MBD5: variants seen among roughly 807,000 people sequenced by gnomAD.
MBD5 encodes the protein methyl-CpG-binding domain protein 5.
Under a neutral mutation model 117.3 loss-of-function variants are expected in MBD5, and 13 were observed. The observed-to-expected ratio is 0.11, with a 90% CI of 0.07 to 0.18. The LOEUF (loss-of-function observed/expected upper bound fraction) is 0.18, where lower values mean the gene tolerates loss of function less well. Ranked by LOEUF, MBD5 falls within the 10% of genes least tolerant of loss-of-function variation. The pLI is 1.00. For synonymous variants in MBD5, 727 were observed against 766.4 expected, an observed-to-expected ratio of 0.95 and a Z score of 0.85; for missense variants, 1,879 against 2,093.8, an observed-to-expected ratio of 0.90 and a Z score of 2.00.
chr2:148,363,822 C>A (rs1312540603), intron 4 of MBD5, among the ~76,000 whole-genome samples: 3 of 152,044 alleles, frequency 2.0e-5, no homozygotes, highest in Non-Finnish European at 4.4e-5. Context: ...AACAAACAAA[C>A]CCTCCAAGAA....
At chr2:148,378,651 C>G (rs1457301377) in intron 4 of MBD5, among the ~76,000 whole-genome samples, 1 of 151,916 alleles carries the variant, frequency 6.6e-6, no homozygotes, top group Non-Finnish European at 1.5e-5. Flanking sequence ...CTTCTTATGT[C>G]TTAAATCAAT....
At chr2:148,383,780 T>A (rs1296932842) in intron 4 of MBD5, among the ~76,000 whole-genome samples, 1 of 152,130 alleles carries the variant, frequency 6.6e-6, no homozygotes, top group Non-Finnish European at 1.5e-5. Context: ...GTGGGCTTCA[T>A]CCCTGGGATG....
intron 4 of MBD5, among the ~76,000 whole-genome samples, chr2:148,398,114 A>C (rs1022131368): frequency 3.3e-5 from 5 of 152,166 alleles, no homozygotes; most frequent in Admixed American, 6.5e-5. Context: ...CAATAAACAT[A>C]CGTGTGCATG....
At chr2:148,057,692 A>G (rs1694907696) in intron 1 of MBD5, among the ~76,000 whole-genome samples, 1 of 152,006 alleles carries the variant, frequency 6.6e-6, no homozygotes, top group Non-Finnish European at 1.5e-5. Context: ...TCCCACAACA[A>G]TATGCTTTAG....
chr2:148,273,300 C>T (rs1195292756), intron 3 of MBD5, among the ~76,000 whole-genome samples: 2 of 152,126 alleles, frequency 1.3e-5, no homozygotes, highest in African/African-American at 4.8e-5. Flanking sequence ...AAGCTAACCC[C>T]CACTTTGCTT....
intron 3 of MBD5, among the ~76,000 whole-genome samples, chr2:148,253,665 C>T (rs908489887): frequency 2.0e-5 from 3 of 152,128 alleles, no homozygotes; most frequent in African/African-American, 7.2e-5. Context: ...TAACTGAGGT[C>T]CGAGGGGAGT....
rs1681244237 is a variant in MBD5 at position 148,483,779 on chromosome 2, G to A, written c.3188G>A (p.Gly1063Asp). ...GGGAACCCTTTACCAAGCTTTGCAG[G>A]CAGTGACACTACTTTTAACCCCCTG... ...PLGNPLPSFA[G>D]SDTTFNPLFL... The change falls in exon 9 of 14, where the codon GGC becomes GAC. Residue 1063 changes from glycine to aspartate, a missense_variant. Transcript: ENST00000642680. The A allele has an allele frequency of 6.4e-7, 1 of 1,550,462 alleles. No individual in the cohort carries two copies. Among genetic ancestry groups the A allele is most frequent in the South Asian group, 1.2e-5 (1 of 84,064 alleles).
At chr2:148,422,145 C>T (rs753436668) in intron 4 of MBD5, among the ~76,000 whole-genome samples, 1 of 152,176 alleles carries the variant, frequency 6.6e-6, no homozygotes, top group Admixed American at 6.5e-5. Flanking sequence ...TGGGAGACAC[C>T]TTTCAGTAGG....
chr2:148,369,582 A>G (rs1170013481), intron 4 of MBD5, among the ~76,000 whole-genome samples: 4 of 152,160 alleles, frequency 2.6e-5, no homozygotes, highest in African/African-American at 7.2e-5. Context: ...CTGGATAAAG[A>G]GTTACAAGAG....
intron 4 of MBD5, among the ~76,000 whole-genome samples, chr2:148,409,205 T>G (rs561725174): frequency 2.0e-5 from 3 of 152,036 alleles, no homozygotes; most frequent in African/African-American, 7.2e-5. Context: ...GACAACATAG[T>G]GAGACCCTGT....
chr2:148,228,967 A>AT (rs1245214716), intron 2 of MBD5, among the ~76,000 whole-genome samples: 2 of 151,774 alleles, frequency 1.3e-5, no homozygotes, highest in African/African-American at 4.8e-5. Flanking sequence ...CCCCTTTGTC[A>AT]TTTTTTATTG....
chr2:148,446,511 C>G (rs958425908), intron 4 of MBD5, among the ~76,000 whole-genome samples: 2 of 151,898 alleles, frequency 1.3e-5, no homozygotes, highest in South Asian at 2.1e-4. Context: ...AGGTTAAAAA[C>G]TTTTCTTATT....
chr2:148,163,439 A>G (rs4972271), intron 1 of MBD5, among the ~76,000 whole-genome samples: 146,524 of 152,138 alleles, frequency 0.96, 70,794 homozygotes, highest in East Asian at 1. Context: ...TTTTTTTTTC[A>G]AGACGGAGTT....
In MBD5 at chr2:148,143,384, G is replaced by A. The variant is rs138766238; in HGVS notation, c.-924-35316G>A. On this transcript the variant is annotated intron_variant, in intron 1 of 13. Transcript: ENST00000642680. The stretch of plus-strand genomic sequence containing the variant: ...GGAGACAGACAGAGTAGAGACAAAC[G>A]TGGCAGAAGAATGCTGGTTTTTACT... Among the ~76,000 whole-genome samples, 35 of 152,276 alleles carry A rather than the reference G, an allele frequency of 2.3e-4. No homozygotes were observed. The South Asian group carries it at 5.2e-3, about 23-fold the overall frequency.
At chr2:148,381,253 C>T (rs533859751) in intron 4 of MBD5, among the ~76,000 whole-genome samples, 30 of 152,114 alleles carry the variant, frequency 2.0e-4, no homozygotes, top group African/African-American at 6.5e-4. Flanking sequence ...CTAGAATAAC[C>T]GATGCAGAGA....
rs1377447111 is a variant in MBD5, at chr2:148,490,277, G to A, written c.4645G>A (p.Glu1549Lys). The A allele has an allele frequency of 1.9e-6, 3 of 1,614,184 alleles. No individual in the cohort carries two copies. The East Asian group carries it at 6.7e-5, about 36-fold the overall frequency. The part of the protein sequence containing the change: ...STAKQDLVLE[E>K]QSPSSSNSLE... ...TGCAAAGCAAGACCTGGTCCTAGAG[G>A]AGCAGTCTCCAAGTTCCTCAAATAG... Residue 1549 changes from glutamate (E) to lysine (K), a missense_variant, in exon 11 of 14, where the codon GAG becomes AAG. By Grantham distance (56) the Glu-to-Lys change is moderately conservative. Transcript: ENST00000642680.
intron 1 of MBD5, chr2:148,027,210 T>C (rs1261577153): frequency 6.6e-6 from 1 of 152,132 alleles, no homozygotes; most frequent in Non-Finnish European, 1.5e-5. Context: ...CTACATTACA[T>C]ATATAGGATT....
intron 2 of MBD5, among the ~76,000 whole-genome samples, chr2:148,232,193 AAGAGGAAGAGTGATC>A (rs903810285): frequency 6.6e-6 from 1 of 152,236 alleles, no homozygotes; most frequent in Non-Finnish European, 1.5e-5. Context: ...AATACGAAAC[AAGAGGAAGAGTGATC>A]AGATAGGCTT....
At chr2:148,027,914 T>C (rs1001829124) in intron 1 of MBD5, 5 of 152,134 alleles carry the variant, frequency 3.3e-5, no homozygotes, top group African/African-American at 1.2e-4. Flanking sequence ...AAATAATTTC[T>C]TTAAACAACC....
Sources: allele counts gnomAD v4.1 joint callset (sites outside exome capture counted in the v4.1 genomes callset), GRCh38; gene constraint gnomAD v4.1.1; transcripts MANE v1.5; gene names NCBI Gene and HGNC (gene_info 2026-07-23, HGNC 2026-07-21).